The following EPHA3 variants were observed in gnomAD, a reference collection of about 807,000 sequenced individuals.
EPHA3 encodes EPH receptor A3.
Under a neutral mutation model 107.1 loss-of-function variants are expected in EPHA3, and 42 were observed. The observed-to-expected ratio is 0.39, with a 90% CI of 0.31 to 0.51. EPHA3 has a LOEUF of 0.51. EPHA3 is among the 20% of genes least tolerant of loss of function. The probability of loss-of-function intolerance (pLI) is 0.78; values close to 1 mark genes in which losing one functional copy is unlikely to be tolerated. For synonymous variants in EPHA3, 461 were observed against 424.8 expected (o/e 1.09, Z -1.05); for missense variants, 1,183 against 1,211.2 (o/e 0.98, Z 0.35).
chr3:89,408,958 A>G (rs1482860325), intron 9 of EPHA3, among the ~76,000 whole-genome samples: 1 of 152,096 alleles, frequency 6.6e-6, no homozygotes, highest in Non-Finnish European at 1.5e-5. Context: ...TTGCAAATTG[A>G]CATGATACTT....
At position 89,375,051 on chromosome 3, in the gene EPHA3, G is replaced by T. The variant is rs540690721; in HGVS notation, c.1307-20786G>T. ...TAAGTTTGAGGCATCGACGTTGCTGGGGTAGAGATATATTTGTGTATGTGT... is the reference window on the plus strand; with the variant it reads ...TAAGTTTGAGGCATCGACGTTGCTGTGGTAGAGATATATTTGTGTATGTGT... On this transcript the variant is annotated intron_variant, in intron 5 of 16. Transcript: ENST00000336596. 6.6e-5 allele frequency among the ~76,000 whole-genome samples: 10 copies of T among 151,822 alleles called. No homozygotes were observed. In the East Asian group the frequency reaches 1.8e-3, roughly 27 times the overall value.
At chr3:89,194,709 G>T (rs976761034) in intron 2 of EPHA3, among the ~76,000 whole-genome samples, 2 of 151,962 alleles carry the variant, frequency 1.3e-5, no homozygotes, top group African/African-American at 4.8e-5. Context: ...CTGTCTTCTT[G>T]TCAGTTCACT....
In EPHA3 at chr3:89,211,910, G is replaced by A. The variant is rs953318790; in HGVS notation, c.814+1390G>A. The stretch of plus-strand genomic sequence containing the variant: ...AAATGGTAAATTTTTCTCTTTCAAT[G>A]ACTGTTTAGAGAGAGAAAATAAAGG... On this transcript the variant is annotated intron_variant, in intron 3 of 16. Coordinates refer to ENST00000336596, the MANE Select transcript of EPHA3 (RefSeq NM_005233.6). 2.0e-5 allele frequency among the ~76,000 whole-genome samples: 3 copies of A among 151,276 alleles called. No homozygotes were observed. The Admixed American group carries it at 2.0e-4, about 10-fold the overall frequency.
intron 1 of EPHA3, among the ~76,000 whole-genome samples, chr3:89,121,909 C>G (rs1707398891): frequency 6.6e-6 from 1 of 152,148 alleles, no homozygotes; most frequent in Non-Finnish European, 1.5e-5. Context: ...CTAAACTTCT[C>G]AATATCATAC....
At chr3:89,336,752 T>A (rs1707400831) in intron 3 of EPHA3, among the ~76,000 whole-genome samples, 1 of 152,060 alleles carries the variant, frequency 6.6e-6, no homozygotes, top group African/African-American at 2.4e-5. Flanking sequence ...ATGTTAGACA[T>A]CAAATAGATA....
At chr3:89,153,077 T>C (rs1312921718) in intron 2 of EPHA3, among the ~76,000 whole-genome samples, 2 of 152,058 alleles carry the variant, frequency 1.3e-5, no homozygotes, top group Non-Finnish European at 1.5e-5. Flanking sequence ...ATAAGCACTA[T>C]GCTATAAGTT....
chr3:89,218,464 A>G (rs1246150529), intron 3 of EPHA3, among the ~76,000 whole-genome samples: 2 of 151,526 alleles, frequency 1.3e-5, no homozygotes, highest in Non-Finnish European at 2.9e-5. Context: ...AAGGACCTGA[A>G]CTCACCATTT....
At chr3:89,149,422 G>A (rs1484852135) in intron 2 of EPHA3, among the ~76,000 whole-genome samples, 1 of 151,922 alleles carries the variant, frequency 6.6e-6, no homozygotes, top group Non-Finnish European at 1.5e-5. Flanking sequence ...ACTAGTATGT[G>A]TTCTTCCCTT....
At chr3:89,137,043 A>T (rs916768720) in intron 2 of EPHA3, among the ~76,000 whole-genome samples, 7 of 151,988 alleles carry the variant, frequency 4.6e-5, no homozygotes, top group Admixed American at 4.6e-4. Context: ...GACCAAAAAT[A>T]TACATATTAT....
At chr3:89,181,548 A>G (rs1705442882) in intron 2 of EPHA3, among the ~76,000 whole-genome samples, 1 of 151,970 alleles carries the variant, frequency 6.6e-6, no homozygotes, top group African/African-American at 2.4e-5. Flanking sequence ...TGTAATGGAG[A>G]TGGTAGTGGA....
chr3:89,373,877 T>G (rs1488480859), intron 5 of EPHA3, among the ~76,000 whole-genome samples: 1 of 151,852 alleles, frequency 6.6e-6, no homozygotes, highest in Non-Finnish European at 1.5e-5. Flanking sequence ...GTCGATGTCA[T>G]TACATGGTTT....
At chr3:89,432,911 A>G (rs182888388) in intron 13 of EPHA3, among the ~76,000 whole-genome samples, 3 of 152,108 alleles carry the variant, frequency 2.0e-5, no homozygotes, top group Non-Finnish European at 4.4e-5. Flanking sequence ...AAGTTTCCAG[A>G]TGATTAAATA....
intron 3 of EPHA3, among the ~76,000 whole-genome samples, chr3:89,251,844 T>C (rs968620341): frequency 1.3e-5 from 2 of 152,132 alleles, no homozygotes; most frequent in African/African-American, 4.8e-5. Context: ...TTCGATTTAA[T>C]AGAAAAATAT....
In EPHA3 at chr3:89,137,139, G is replaced by A. The variant is rs770520497; in HGVS notation, c.153+9866G>A. Among the ~76,000 whole-genome samples the A allele has an allele frequency of 7.9e-5, 12 of 151,970 alleles. No homozygotes were observed. In the South Asian group the frequency reaches 8.3e-4, roughly 11 times the overall value. The stretch of plus-strand genomic sequence containing the variant: ...AAAATAGTGTATGGCAGACTGAATA[G>A]GTTTGTGCATTATTAAGAAATGGCC... On this transcript the variant is annotated intron_variant, in intron 2 of 16. Transcript: ENST00000336596.
intron 16 of EPHA3, among the ~76,000 whole-genome samples, chr3:89,474,708 T>G (rs1710471700): frequency 6.6e-6 from 1 of 152,246 alleles, no homozygotes; most frequent in Non-Finnish European, 1.5e-5. Flanking sequence ...TGTCAGCCAT[T>G]ATAAGCTATG....
chr3:89,153,541 T>C (rs1331212897), intron 2 of EPHA3, among the ~76,000 whole-genome samples: 3 of 152,032 alleles, frequency 2.0e-5, no homozygotes, highest in Non-Finnish European at 2.9e-5. Context: ...GAGTCCACTT[T>C]GATTATTTTC....
At chr3:89,271,240 A>C (rs886347501) in intron 3 of EPHA3, among the ~76,000 whole-genome samples, 3 of 152,046 alleles carry the variant, frequency 2.0e-5, no homozygotes. Context: ...CCTTTTGTAT[A>C]AGCAAGAAAC....
intron 2 of EPHA3, among the ~76,000 whole-genome samples, chr3:89,197,645 C>A (rs1389316706): frequency 6.6e-6 from 1 of 152,152 alleles, no homozygotes; most frequent in East Asian, 1.9e-4. Flanking sequence ...TTTAGAAGGG[C>A]AAATTTATCT....
intron 2 of EPHA3, among the ~76,000 whole-genome samples, chr3:89,135,275 T>C (rs996931841): frequency 1.3e-5 from 2 of 152,118 alleles, no homozygotes; most frequent in African/African-American, 4.8e-5. Context: ...TTCCTCTACC[T>C]CCTTATGCAT....
Sources: allele counts gnomAD v4.1 joint callset (sites outside exome capture counted in the v4.1 genomes callset), GRCh38; gene constraint gnomAD v4.1.1; transcripts MANE v1.5; gene names NCBI Gene and HGNC (gene_info 2026-07-23, HGNC 2026-07-21).